PTPRD: variants seen among roughly 807,000 people sequenced by gnomAD.
PTPRD encodes protein tyrosine phosphatase receptor type D.
A neutral mutation model predicts 214.5 loss-of-function variants in PTPRD; 34 were observed. The observed-to-expected ratio is 0.16, with a 90% confidence interval of 0.12 to 0.21. The LOEUF (loss-of-function observed/expected upper bound fraction) is 0.21, where lower values mean the gene tolerates loss of function less well. Ranked by LOEUF, PTPRD falls within the 10% of genes least tolerant of loss-of-function variation. PTPRD has a pLI of 1.00. For synonymous variants in PTPRD, 1,128 were observed against 845.7 expected (o/e 1.33, Z -5.79); for missense variants, 2,545 against 2,398.7 (o/e 1.06, Z -1.27).
At chr9:10,277,549 A>C (rs2094783287) in intron 3 of PTPRD, among the ~76,000 whole-genome samples, 2 of 151,270 alleles carry the variant, frequency 1.3e-5, no homozygotes, top group South Asian at 4.2e-4. Flanking sequence ...TAAGCATATA[A>C]ACTGATTAGC....
At position 9,247,262 on chromosome 9, in the gene PTPRD, C is replaced by G. The variant is rs559869961; in HGVS notation, c.-202-63899G>C. Among the ~76,000 whole-genome samples, 9 of 152,150 alleles carry G rather than the reference C, an allele frequency of 5.9e-5. No homozygotes were observed. The South Asian group carries it at 8.3e-4, about 14-fold the overall frequency. On this transcript the variant is annotated intron_variant, in intron 9 of 45. Coordinates refer to ENST00000381196, the MANE Select transcript of PTPRD (RefSeq NM_002839.4). ...AGAGGTCAAGAAGAACCTGCACAGA[C>G]AAGCCTTTCTGGGTTTCCCAACTCA...
intron 3 of PTPRD, among the ~76,000 whole-genome samples, chr9:10,172,706 G>C (rs1019707445): frequency 3.9e-5 from 6 of 152,174 alleles, no homozygotes; most frequent in Admixed American, 3.9e-4. Flanking sequence ...TTCCAAGAAA[G>C]TTTATAATAC....
At chr9:9,459,685 G>A (rs1356254886) in intron 8 of PTPRD, among the ~76,000 whole-genome samples, 1 of 152,044 alleles carries the variant, frequency 6.6e-6, no homozygotes, top group Non-Finnish European at 1.5e-5. Context: ...ACTGAGGAAA[G>A]AAATCACAGA....
chr9:9,112,840 C>T (rs1267085128), intron 10 of PTPRD, among the ~76,000 whole-genome samples: 1 of 152,038 alleles, frequency 6.6e-6, no homozygotes, highest in Non-Finnish European at 1.5e-5. Flanking sequence ...AAATATGTTT[C>T]GTATCTCTTG....
At chr9:10,472,777 A>G (rs2099039540) in intron 2 of PTPRD, among the ~76,000 whole-genome samples, 1 of 152,088 alleles carries the variant, frequency 6.6e-6, no homozygotes, top group Non-Finnish European at 1.5e-5. Flanking sequence ...CTCAAATTAA[A>G]CATATATCTG....
Position 8,499,743 on chromosome 9 carries a change from G to T in PTPRD, c.2226C>A (p.Gly742=), listed in dbSNP as rs757978113. ...AATGCACCTGATATCCTCTTATCTG[G>T]CCATGCTGTTTATTGGGCACGGGTG... ...WRSPVPNKQH[G]QIRGYQVHYV... The change falls in exon 25 of 46, where the codon GGC becomes GGA. Residue 742 remains glycine (G), a synonymous_variant. Transcript: ENST00000381196. 1.2e-6 allele frequency: 2 copies of T among 1,614,014 alleles called. No homozygotes were observed. Among genetic ancestry groups the T allele is most frequent in the South Asian group, 1.1e-5 (1 of 91,068 alleles).
intron 2 of PTPRD, among the ~76,000 whole-genome samples, chr9:10,415,165 T>C (rs1189173617): frequency 6.6e-6 from 1 of 151,866 alleles, no homozygotes; most frequent in East Asian, 1.9e-4. Context: ...TAGCTTCTTC[T>C]TTTATAAACT....
chr9:10,369,649 A>G (rs2097575014), intron 2 of PTPRD, among the ~76,000 whole-genome samples: 1 of 152,126 alleles, frequency 6.6e-6, no homozygotes, highest in Non-Finnish European at 1.5e-5. Context: ...TCTTCTAAGT[A>G]ATAATTGCTG....
intron 5 of PTPRD, among the ~76,000 whole-genome samples, chr9:9,832,437 C>G (rs1347315119): frequency 6.6e-6 from 1 of 151,908 alleles, no homozygotes; most frequent in East Asian, 1.9e-4. Flanking sequence ...GACTATGTAA[C>G]AGTCATAGTC....
chr9:10,578,825 C>T (rs577145466), intron 2 of PTPRD, among the ~76,000 whole-genome samples: 27 of 152,174 alleles, frequency 1.8e-4, no homozygotes, highest in South Asian at 8.3e-4. Flanking sequence ...CAAACAATCC[C>T]GTCATCCAGG....
chr9:10,543,306 A>G (rs1324488239), intron 2 of PTPRD, among the ~76,000 whole-genome samples: 1 of 152,184 alleles, frequency 6.6e-6, no homozygotes, highest in Non-Finnish European at 1.5e-5. Context: ...TAATTTACTT[A>G]TATAATTTGA....
intron 3 of PTPRD, among the ~76,000 whole-genome samples, chr9:10,074,536 G>C (rs768886236): frequency 6.6e-6 from 1 of 151,996 alleles, no homozygotes; most frequent in Non-Finnish European, 1.5e-5. Flanking sequence ...TTAATGTTTT[G>C]GATGCTCTTT....
At chr9:10,343,170 C>T (rs2096977335) in intron 2 of PTPRD, among the ~76,000 whole-genome samples, 1 of 151,790 alleles carries the variant, frequency 6.6e-6, no homozygotes, top group Non-Finnish European at 1.5e-5. Context: ...ATGTTCCTCA[C>T]CCTGTGTCCA....
At chr9:8,447,104 T>C (rs776416390) in intron 34 of PTPRD, among the ~76,000 whole-genome samples, 12 of 152,206 alleles carry the variant, frequency 7.9e-5, no homozygotes, top group Non-Finnish European at 1.8e-4. Flanking sequence ...CTTAAGTGAA[T>C]TGCTTACCTG....
chr9:10,216,716 G>T (rs2099542947), intron 3 of PTPRD, among the ~76,000 whole-genome samples: 1 of 152,032 alleles, frequency 6.6e-6, no homozygotes, highest in South Asian at 2.1e-4. Context: ...TTTTGATAGT[G>T]TTGGAAGTAT....
At chr9:10,468,774 A>AT (rs958919711) in intron 2 of PTPRD, among the ~76,000 whole-genome samples, 3 of 152,162 alleles carry the variant, frequency 2.0e-5, no homozygotes, top group Non-Finnish European at 4.4e-5. Context: ...ATTTATGCAT[A>AT]TATAAGGTAT....
chr9:9,309,114 T>C (rs1026979768), intron 9 of PTPRD, among the ~76,000 whole-genome samples: 20 of 152,184 alleles, frequency 1.3e-4, no homozygotes, highest in Middle Eastern at 3.4e-3. Flanking sequence ...TTTGAAAATC[T>C]TTCCTCCTTC....
At chr9:9,372,680 G>A (rs953867544) in intron 9 of PTPRD, among the ~76,000 whole-genome samples, 8 of 152,010 alleles carry the variant, frequency 5.3e-5, no homozygotes, top group Admixed American at 1.3e-4. Context: ...TTATTTACTC[G>A]TTAGTTGATG....
chr9:9,493,511 G>A (rs114907037), intron 8 of PTPRD, among the ~76,000 whole-genome samples: 1,865 of 152,060 alleles, frequency 0.012, 35 homozygotes, highest in African/African-American at 0.042. Context: ...TTTTGTGTCC[G>A]GGTAGGGTGG....
Sources: gnomAD v4.1 joint callset for allele counts (sites outside exome capture counted in the v4.1 genomes callset) on GRCh38, gnomAD v4.1.1 for gene constraint, MANE v1.5 for transcripts, NCBI Gene and HGNC (gene_info 2026-07-23, HGNC 2026-07-21) for gene names.